TTC34: variants seen among roughly 807,000 people sequenced by gnomAD.
TTC34 encodes tetratricopeptide repeat protein 34.
Under a neutral mutation model 40.7 loss-of-function variants are expected in TTC34, and 44 were observed. The ratio of observed to expected loss-of-function variants is 1.08; its 90% CI spans 0.85 to 1.39. The LOEUF is 1.39. Among genes scored for constraint, TTC34 ranks in the 40% most tolerant of loss-of-function variants. The pLI is 0.00. For missense variants in TTC34, 884 were observed against 838.0 expected (o/e 1.05, Z -0.68); for synonymous variants, 422 against 398.6 (o/e 1.06, Z -0.70).
chr1:2,684,921 C>A (rs796935714), intron 6 of TTC34, among the ~76,000 whole-genome samples: 1 of 92,184 alleles, frequency 1.1e-5, no homozygotes, highest in African/African-American at 4.2e-5. Flanking sequence ...CCTGCACACC[C>A]AGGTGAGCAT....
intron 6 of TTC34, among the ~76,000 whole-genome samples, chr1:2,681,190 GCGAGCA>G: frequency 7.9e-6 from 1 of 126,870 alleles, no homozygotes; most frequent in East Asian, 2.1e-4. Flanking sequence ...ACGCCCACAG[GCGAGCA>G]TCTGAACACA....
intron 6 of TTC34, among the ~76,000 whole-genome samples, chr1:2,684,125 A>G (rs1396823615): frequency 6.6e-6 from 1 of 152,276 alleles, no homozygotes; most frequent in African/African-American, 2.4e-5. Context: ...CCCTCAGGTG[A>G]GCATCTGACA....
chr1:2,768,056 C>G (rs1279370190), intron 6 of TTC34, among the ~76,000 whole-genome samples: 1 of 151,530 alleles, frequency 6.6e-6, no homozygotes, highest in African/African-American at 2.4e-5. Context: ...CCCAGGTGAT[C>G]ATTTGCCAGC....
At chr1:2,777,482 T>C (rs190984295) in intron 6 of TTC34, among the ~76,000 whole-genome samples, 1 of 151,700 alleles carries the variant, frequency 6.6e-6, no homozygotes, top group Non-Finnish European at 1.5e-5. Flanking sequence ...ATTCCTGGAA[T>C]ATGTGCTGTC....
chr1:2,750,180 G>T, intron 6 of TTC34, among the ~76,000 whole-genome samples: 1 of 152,094 alleles, frequency 6.6e-6, no homozygotes, highest in Non-Finnish European at 1.5e-5. Flanking sequence ...GCGAGCATCT[G>T]ACAGCCTGGG....
At position 2,789,672 on chromosome 1, in the gene TTC34, C is replaced by A. The variant is rs1569969393; in HGVS notation, c.1459G>T (p.Ala487Ser). Reference sequence around the variant, plus strand: ...ACGTAGGCCTTGGCGGCCAGCAGCGCCTCCTCGGGCCGCAGCCTGCAGGCG... The same window carrying A: ...ACGTAGGCCTTGGCGGCCAGCAGCGACTCCTCGGGCCGCAGCCTGCAGGCG... Residue 487 changes from alanine (A) to serine (S), a missense_variant, in exon 3 of 9, where the codon GCG (alanine) becomes TCG (serine). Coordinates refer to ENST00000401095, the Ensembl canonical transcript of TTC34. 1.5e-5 allele frequency: 19 copies of A among 1,293,664 alleles called. No homozygotes were observed. The East Asian group carries it at 6.0e-4, about 41-fold the overall frequency. 80.1% of individuals were successfully genotyped at this position (1,293,664 alleles called of 1,614,324 possible).
chr1:2,685,589 G>C (rs1203695120), intron 6 of TTC34, among the ~76,000 whole-genome samples: 2 of 129,572 alleles, frequency 1.5e-5, no homozygotes, highest in African/African-American at 3.5e-5. Flanking sequence ...GCACAGAGCA[G>C]CACCCACACC....
chr1:2,773,131 C>T (rs1569846408), intron 6 of TTC34, among the ~76,000 whole-genome samples: 1 of 146,652 alleles, frequency 6.8e-6, no homozygotes, highest in South Asian at 2.2e-4. Flanking sequence ...TGGAGCAGCA[C>T]ACACAACCCC....
At chr1:2,652,466 CCT>C (rs2100216230) in intron 6 of TTC34, among the ~76,000 whole-genome samples, 5 of 129,750 alleles carry the variant, frequency 3.9e-5, no homozygotes, top group South Asian at 2.4e-4. Context: ...CATCCGACAG[CCT>C]GGAGCAGAAC....
intron 6 of TTC34, among the ~76,000 whole-genome samples, chr1:2,688,175 C>G (rs61765687): frequency 1.1e-4 from 7 of 66,322 alleles, no homozygotes; most frequent in African/African-American, 2.8e-4. Flanking sequence ...CACCCCCAGG[C>G]GAGCATCGGA....
At chr1:2,682,054 C>T (rs1406572622) in intron 6 of TTC34, among the ~76,000 whole-genome samples, 1 of 88,462 alleles carries the variant, frequency 1.1e-5, no homozygotes. Context: ...CATTGTGGAG[C>T]AGCACCCCAC....
intron 6 of TTC34, among the ~76,000 whole-genome samples, chr1:2,688,161 C>T (rs984413273): frequency 1.5e-4 from 23 of 150,302 alleles, no homozygotes; most frequent in African/African-American, 4.2e-4. Context: ...TGGAAGGGCA[C>T]CCACACCCCC....
At chr1:2,649,642 C>T (rs551776517) in intron 6 of TTC34, among the ~76,000 whole-genome samples, 48 of 152,282 alleles carry the variant, frequency 3.2e-4, no homozygotes, top group African/African-American at 9.4e-4. Flanking sequence ...CAGGTTTAAT[C>T]GATTCTCCTG....
At chr1:2,751,246 A>T (rs1193787590) in intron 6 of TTC34, among the ~76,000 whole-genome samples, 16 of 42,106 alleles carry the variant, frequency 3.8e-4, no homozygotes, top group Admixed American at 1.2e-3. Context: ...CAGCAGGCAC[A>T]CCCCCAGTGA....
At chr1:2,768,073 C>T (rs1213485725) in intron 6 of TTC34, among the ~76,000 whole-genome samples, 5 of 151,484 alleles carry the variant, frequency 3.3e-5, no homozygotes, top group Admixed American at 1.3e-4. Context: ...CAGCCAGGAA[C>T]GGCAACCCAC....
At chr1:2,657,381 C>T (rs4247141) in intron 6 of TTC34, among the ~76,000 whole-genome samples, 18 of 94,048 alleles carry the variant, frequency 1.9e-4, no homozygotes, top group African/African-American at 5.5e-4. Flanking sequence ...GCACCCACAC[C>T]CCGAGGTGAG....
At chr1:2,783,747 G>A (rs941615909) in exon 6 of TTC34, 11 of 1,533,060 alleles carry the variant, frequency 7.2e-6, no homozygotes, top group Non-Finnish European at 8.8e-6. Flanking sequence ...AGCGGGCTCG[G>A]GCAAGGAGGG....
At chr1:2,691,776 A>T (rs1640630880) in intron 6 of TTC34, among the ~76,000 whole-genome samples, 1 of 91,992 alleles carries the variant, frequency 1.1e-5, no homozygotes, top group African/African-American at 3.7e-5. Context: ...AAATAGCAGC[A>T]CCCACACCCC....
Position 2,645,587 on chromosome 1 carries a change from G to GGCCCC in TTC34, c.2227-25_2227-24insGGGGC. Reference sequence around the variant, plus strand: ...TCCTGCAAGGAGGGAGGGCGGGCGGGTGCAGAGTTGTCCTAAGTAGAGAAA... The same window carrying GGCCCC: ...TCCTGCAAGGAGGGAGGGCGGGCGGGGCCCCTGCAGAGTTGTCCTAAGTAGAGAAA... On this transcript the variant is annotated intron_variant, in intron 6 of 8. Transcript: ENST00000401095. This position sits in a 1 kb window ranked among gnomAD's most constrained non-coding sequence, Gnocchi z 4.7. 2 of 229,522 alleles carry GGCCCC rather than the reference G, an allele frequency of 8.7e-6. No homozygotes were observed. Among genetic ancestry groups the GGCCCC allele is most frequent in the Non-Finnish European group, 1.7e-5 (2 of 116,446 alleles). The allele number at this position is 229,522 out of a possible 1,614,324, so 14.2% of individuals were successfully genotyped here. A position where few individuals can be genotyped will look rare whatever the true frequency, so the allele number is the denominator to read the frequency against.
Sources: allele counts gnomAD v4.1 joint callset (sites outside exome capture counted in the v4.1 genomes callset), GRCh38; gene constraint gnomAD v4.1.1; non-coding constraint Gnocchi (gnomAD v3.1); transcripts MANE v1.5; gene names NCBI Gene and HGNC (gene_info 2026-07-23, HGNC 2026-07-21).